Variants in ARID1B observed in about 807,000 individuals in gnomAD.
ARID1B encodes the protein AT-rich interaction domain 1B.
In ARID1B, 30 loss-of-function variants were observed where a neutral mutation model predicts 212.3. The ratio of observed to expected loss-of-function variants is 0.14; its 90% CI spans 0.11 to 0.19. The LOEUF is 0.19. ARID1B is among the 10% of genes least tolerant of loss of function. ARID1B has a pLI of 1.00. For missense variants in ARID1B, 2,891 were observed against 3,204.0 expected, an observed-to-expected ratio of 0.90 and a Z score of 2.36; for synonymous variants, 1,402 against 1,301.7, an observed-to-expected ratio of 1.08 and a Z score of -1.66.
chr6:156,926,632 C>T (rs182616716), intron 3 of ARID1B, among the ~76,000 whole-genome samples: 259 of 152,288 alleles, frequency 1.7e-3, no homozygotes, highest in African/African-American at 5.7e-3. Context: ...ACCTCTGTCT[C>T]CCCCTTCTCA....
At chr6:156,845,531 A>G (rs1267059961) in intron 2 of ARID1B, among the ~76,000 whole-genome samples, 1 of 151,782 alleles carries the variant, frequency 6.6e-6, no homozygotes. Flanking sequence ...ATTGGATATA[A>G]TTTTCCCTCA....
chr6:157,007,217 A>G (rs758878089), intron 4 of ARID1B, among the ~76,000 whole-genome samples: 5 of 152,252 alleles, frequency 3.3e-5, no homozygotes, highest in Non-Finnish European at 5.9e-5. Context: ...TTGAGACTAA[A>G]GATAATTGTT....
At chr6:156,796,272 C>T (rs138783609) in intron 1 of ARID1B, among the ~76,000 whole-genome samples, 2 of 152,162 alleles carry the variant, frequency 1.3e-5, no homozygotes, top group Admixed American at 1.3e-4. Context: ...TTAAAGCTGA[C>T]TGTGCCTAAC....
Position 157,014,741 on chromosome 6 carries a change from A to G in ARID1B, c.2248-69921A>G, listed in dbSNP as rs535037403. Among the ~76,000 whole-genome samples, 13 of 152,242 alleles carry G rather than the reference A, an allele frequency of 8.5e-5. No homozygotes were observed. The South Asian group carries it at 1.9e-3, about 22-fold the overall frequency. On this transcript the variant is annotated intron_variant, in intron 4 of 19. Coordinates refer to ENST00000636930, the MANE Select transcript of ARID1B (RefSeq NM_001374828.1). ...CTGAATTCCAAATTTGAGGAATACA[A>G]TAGTTTTCAGTTAAATATGAATCTT...
intron 4 of ARID1B, among the ~76,000 whole-genome samples, chr6:157,015,837 C>T (rs990156066): frequency 6.6e-6 from 1 of 152,208 alleles, no homozygotes; most frequent in Non-Finnish European, 1.5e-5. Flanking sequence ...AGCATTACTC[C>T]GACCCCACTG....
chr6:156,838,745 C>A (rs183419078), intron 2 of ARID1B, among the ~76,000 whole-genome samples: 5 of 132,886 alleles, frequency 3.8e-5, no homozygotes, highest in East Asian at 2.0e-4. Flanking sequence ...ACAAAAAAAA[C>A]CGCTCTAAGT....
intron 6 of ARID1B, among the ~76,000 whole-genome samples, chr6:157,131,900 AG>A (rs1228927925): frequency 5.9e-5 from 9 of 152,274 alleles, no homozygotes; most frequent in South Asian, 2.1e-4. Context: ...CATCTTGGCC[AG>A]GCTGGTCTTG....
chr6:157,131,416 G>A (rs563547037), intron 6 of ARID1B, among the ~76,000 whole-genome samples: 10 of 152,244 alleles, frequency 6.6e-5, no homozygotes, highest in Admixed American at 5.9e-4. Context: ...ATCAGGTGTC[G>A]AGGGAGGGCT....
At chr6:157,040,472 T>C (rs531048176) in intron 4 of ARID1B, among the ~76,000 whole-genome samples, 2 of 152,362 alleles carry the variant, frequency 1.3e-5, no homozygotes, top group East Asian at 1.9e-4. Flanking sequence ...AATGATCCTT[T>C]ATCTTTCTGT....
intron 2 of ARID1B, among the ~76,000 whole-genome samples, chr6:156,864,715 C>A (rs955261079): frequency 1.3e-5 from 2 of 152,152 alleles, no homozygotes; most frequent in African/African-American, 4.8e-5. Context: ...TTGCTGTCCC[C>A]GCTGGAAGAT....
Position 156,779,363 on chromosome 6 carries a change from C to A in ARID1B, c.1683C>A (p.Asp561Glu), listed in dbSNP as rs747174363. Residue 561 changes from aspartate (D) to glutamate (E), a missense_variant, in exon 1 of 20, where the codon GAC (aspartate) becomes GAA (glutamate). Asp to Glu is a conservative substitution (Grantham distance 45, BLOSUM62 2). This residue lies in a region of ARID1B where 1,643 missense variants were observed against 1,544.0 expected (regional missense o/e 1.06). Coordinates refer to ENST00000636930, the MANE Select transcript of ARID1B (RefSeq NM_001374828.1). ...QAAAGMGLGK[D>E]MGAQYAAASP... ...CCGCGGGCATGGGCTTGGGCAAGGA[C>A]ATGGGCGCCCAGTACGCCGCTGCCA... 7.5e-7 allele frequency: 1 copy of A among 1,329,958 alleles called. No homozygotes were observed. The highest frequency in any genetic ancestry group is 1.6e-5 in the African/African-American group (1 of 64,424). The allele number at this position is 1,329,958 out of a possible 1,614,324, so 82.4% of individuals were successfully genotyped here.
intron 4 of ARID1B, among the ~76,000 whole-genome samples, chr6:157,062,604 G>A (rs1783409380): frequency 6.6e-6 from 1 of 151,802 alleles, no homozygotes; most frequent in African/African-American, 2.4e-5. Context: ...AACTGATGAC[G>A]GTGGTCCGAT....
At chr6:156,975,479 A>G (rs752472717) in intron 4 of ARID1B, among the ~76,000 whole-genome samples, 2 of 152,034 alleles carry the variant, frequency 1.3e-5, no homozygotes, top group Non-Finnish European at 2.9e-5. Context: ...GCAAAAAAAT[A>G]CCTTTAATTT....
At chr6:157,173,939 G>T in intron 9 of ARID1B, 69 bp from the exon 10 acceptor site, 2 of 1,354,506 alleles carry the variant, frequency 1.5e-6, no homozygotes, top group Non-Finnish European at 2.1e-6. Context: ...TCTGTAACTT[G>T]TGTTGGCAGG....
chr6:157,198,794 T>C lies in ARID1B; in HGVS notation c.4383-17T>C. 6.3e-7 allele frequency: 1 copy of C among 1,594,936 alleles called. No homozygotes were observed. Among genetic ancestry groups the C allele is most frequent in the African/African-American group, 1.3e-5 (1 of 74,712 alleles). On this transcript the variant is annotated splice_polypyrimidine_tract_variant and intron_variant, in intron 16 of 19. Transcript: ENST00000636930. ...AGCTTTTTCTCAGTTAAGTTTTCTT[T>C]GAATGCCTCATTCCAGGCATGAACC... is the stretch of plus-strand genomic sequence containing the variant.
chr6:156,905,250 G>GCACGCACACACA (rs1554265936), intron 3 of ARID1B, among the ~76,000 whole-genome samples: 11 of 143,838 alleles, frequency 7.6e-5, no homozygotes, highest in South Asian at 2.3e-4. Context: ...ACATATGCAC[G>GCACGCACACACA]CACACACACA....
At position 156,777,483 on chromosome 6, in the gene ARID1B, C is replaced by G. The variant is rs1422112553; in HGVS notation, c.-198C>G. ...TTTAAACCTGAACTAAAAACTTTCACCATGAAAGCACACAGCAGGAGCAGG... is the reference window on the plus strand; with the variant it reads ...TTTAAACCTGAACTAAAAACTTTCAGCATGAAAGCACACAGCAGGAGCAGG... On this transcript the variant is annotated 5_prime_UTR_variant, in exon 1 of 20. Coordinates refer to ENST00000636930, the MANE Select transcript of ARID1B (RefSeq NM_001374828.1). 1 of 150,834 alleles carries G rather than the reference C, an allele frequency of 6.6e-6. No homozygotes were observed. Among genetic ancestry groups the G allele is most frequent in the Non-Finnish European group, 1.5e-5 (1 of 67,682 alleles). 9.3% of individuals were successfully genotyped at this position (150,834 alleles called of 1,614,324 possible). A position where few individuals can be genotyped will look rare whatever the true frequency, so the allele number is the denominator to read the frequency against.
intron 7 of ARID1B, chr6:157,140,733 G>A: frequency 5.0e-6 from 2 of 398,318 alleles, no homozygotes; most frequent in Non-Finnish European, 8.9e-6. Flanking sequence ...GATGTCAGAT[G>A]CTGGCCTCTG....
intron 4 of ARID1B, among the ~76,000 whole-genome samples, chr6:157,008,915 C>A (rs1562545291): frequency 6.6e-6 from 1 of 152,188 alleles, no homozygotes; most frequent in Admixed American, 6.5e-5. Context: ...TGCCAACTGC[C>A]TCCAGTGTTA....
Sources: allele counts gnomAD v4.1 joint callset (sites outside exome capture counted in the v4.1 genomes callset), GRCh38; gene constraint gnomAD v4.1.1; regional missense constraint gnomAD v4.1.1; transcripts MANE v1.5; gene names NCBI Gene and HGNC (gene_info 2026-07-23, HGNC 2026-07-21).